Variants in NF1 observed in about 807,000 individuals in gnomAD.
NF1 encodes the protein neurofibromin.
NF1 carries 122 observed loss-of-function variants against 325.7 expected under a neutral mutation model. The observed-to-expected ratio is 0.37, with a 90% CI of 0.32 to 0.44. The LOEUF (loss-of-function observed/expected upper bound fraction) is 0.44. NF1 is among the 20% of genes least tolerant of loss of function. The probability of loss-of-function intolerance (pLI) is 1.00; values close to 1 mark genes in which losing one functional copy is unlikely to be tolerated. For missense variants in NF1, 2,140 were observed against 3,415.4 expected (o/e 0.63, Z 9.31); for synonymous variants, 1,091 against 1,186.0 (o/e 0.92, Z 1.65).
rs143541746 is a variant in NF1, at chr17:31,260,162, T to G, written c.4431-207T>G. ...TTGTTGTTTAACTTCAGAGCCTACT[T>G]TGAAGCTGAAGCCGGGTATCAGAAA... On this transcript the variant is annotated intron_variant, in intron 33 of 57. Transcript: ENST00000358273. Among the ~76,000 whole-genome samples the G allele has an allele frequency of 2.8e-3, 419 of 152,304 alleles. 2 individuals carry two copies. Among genetic ancestry groups the G allele is most frequent in the Non-Finnish European group, 4.9e-3 (334 of 68,020 alleles).
At chr17:31,304,298 C>A in intron 36 of NF1, 1 of 1,612,962 alleles carries the variant, frequency 6.2e-7, no homozygotes, top group Non-Finnish European at 8.5e-7. Context: ...GGCAGGGATT[C>A]ATTAAGATCT....
rs534557196 is a variant in NF1, at chr17:31,191,469, C to T, written c.888+8804C>T. On this transcript the variant is annotated intron_variant, in intron 8 of 57. Transcript: ENST00000358273. ...CAGCAATAAAAAGGAACTACTGACT[C>T]GGCAACATGTGTAAATCTCAAAAAT... 5.3e-5 allele frequency among the ~76,000 whole-genome samples: 8 copies of T among 152,202 alleles called. No individual in the cohort carries two copies. In the South Asian group the frequency reaches 1.2e-3, roughly 24 times the overall value.
rs2144015275 is a variant in NF1 at position 31,223,432 on chromosome 17, A to T, written c.1722-12A>T. On this transcript the variant is annotated splice_polypyrimidine_tract_variant and intron_variant, in intron 15 of 57. Coordinates refer to ENST00000358273, the MANE Select transcript of NF1 (RefSeq NM_001042492.3). ...GATGATGCTAGTAACAATGAACTTTATGTTACTGCAGCTCACAAATGCTTT... is the reference window on the plus strand; with the variant it reads ...GATGATGCTAGTAACAATGAACTTTTTGTTACTGCAGCTCACAAATGCTTT... The T allele has an allele frequency of 6.2e-7, 1 of 1,610,596 alleles. No individual in the cohort carries two copies. Among genetic ancestry groups the T allele is most frequent in the Non-Finnish European group, 8.5e-7 (1 of 1,178,302 alleles).
In NF1 at chr17:31,160,178, C is replaced by T. The variant is rs572949964; in HGVS notation, c.288+1085C>T. On this transcript the variant is annotated intron_variant, in intron 3 of 57. Transcript: ENST00000358273. ...TCGGCTCATTGCAACCTCCACTTCC[C>T]GGGTTCAAGCTATTCTCATGCCTCA... is the stretch of plus-strand genomic sequence containing the variant. 1.2e-3 allele frequency among the ~76,000 whole-genome samples: 182 copies of T among 152,226 alleles called. 3 individuals carry two copies. The South Asian group carries it at 0.018, about 15-fold the overall frequency.
chr17:31,360,198 G>A, intron 56 of NF1: 1 of 427,662 alleles, frequency 2.3e-6, no homozygotes, highest in Admixed American at 3.6e-5. Flanking sequence ...TGGAAAATTG[G>A]CTAGACATCA....
At chr17:31,185,817 A>T (rs561183364) in intron 8 of NF1, among the ~76,000 whole-genome samples, 1 of 152,200 alleles carries the variant, frequency 6.6e-6, no homozygotes, top group African/African-American at 2.4e-5. Flanking sequence ...AACAGATCCA[A>T]TGGTGCTTGA....
At chr17:31,238,182 G>A (rs1382724806) in intron 29 of NF1, among the ~76,000 whole-genome samples, 1 of 152,064 alleles carries the variant, frequency 6.6e-6, no homozygotes. Context: ...GCCTAGTCTT[G>A]CAGGGACCCC....
rs1253121846 is a variant in NF1, at chr17:31,181,406, A to C, written c.587-16A>C. On this transcript the variant is annotated splice_polypyrimidine_tract_variant and intron_variant, in intron 5 of 57. Transcript: ENST00000358273. ...CTTATTCTAGAGTTAATTTTTAAAA[A>C]TTGTGTTTTTTCCAGAAACAGCATT... 1.1e-5 allele frequency: 18 copies of C among 1,611,162 alleles called. No homozygotes were observed. Among genetic ancestry groups the C allele is most frequent in the Non-Finnish European group, 1.4e-5 (17 of 1,177,944 alleles).
chr17:31,216,859 T>A (rs1319366920), intron 13 of NF1, among the ~76,000 whole-genome samples: 1 of 152,188 alleles, frequency 6.6e-6, no homozygotes, highest in African/African-American at 2.4e-5. Context: ...TCCCTTGCAG[T>A]TGCTTTTCCC....
At chr17:31,339,255 TG>T (rs1238340750) in intron 46 of NF1, among the ~76,000 whole-genome samples, 1 of 152,074 alleles carries the variant, frequency 6.6e-6, no homozygotes, top group African/African-American at 2.4e-5. Context: ...ATTATTACTA[TG>T]GAGAAATTAA....
chr17:31,318,110 A>G, intron 36 of NF1: 1 of 588,036 alleles, frequency 1.7e-6, no homozygotes, highest in Non-Finnish European at 2.7e-6. Context: ...TAAAATATTC[A>G]GTGTCAAAAC....
intron 36 of NF1, among the ~76,000 whole-genome samples, chr17:31,323,017 A>G (rs1284059921): frequency 6.6e-6 from 1 of 152,214 alleles, no homozygotes; most frequent in East Asian, 1.9e-4. Flanking sequence ...TTAAGGGAAA[A>G]TAAAACCGGT....
At chr17:31,223,400 G>A (rs2144014612) in intron 15 of NF1, 44 bp from the exon 16 acceptor site, 1 of 1,604,722 alleles carries the variant, frequency 6.2e-7, no homozygotes, top group East Asian at 2.2e-5. Context: ...ATCTGCATTA[G>A]GTTATTGATG....
intron 36 of NF1, among the ~76,000 whole-genome samples, chr17:31,310,114 G>T (rs569813978): frequency 2.6e-5 from 4 of 152,138 alleles, no homozygotes; most frequent in Non-Finnish European, 5.9e-5. Context: ...AGGTTATTTA[G>T]CATACACATT....
chr17:31,313,987 T>C (rs2042102855), intron 36 of NF1: 1 of 398,128 alleles, frequency 2.5e-6, no homozygotes, highest in African/African-American at 2.1e-5. Context: ...ACCTCAGCTG[T>C]TAACTTCTTT....
At chr17:31,315,050 A>G (rs1029161321) in intron 36 of NF1, among the ~76,000 whole-genome samples, 8 of 152,160 alleles carry the variant, frequency 5.3e-5, no homozygotes, top group Non-Finnish European at 1.0e-4. Flanking sequence ...TTCTCTCATC[A>G]GTGGTGCTGA....
intron 27 of NF1, among the ~76,000 whole-genome samples, chr17:31,233,483 G>A (rs2067149808): frequency 6.6e-6 from 1 of 152,110 alleles, no homozygotes; most frequent in Admixed American, 6.5e-5. Flanking sequence ...TATTTGATAA[G>A]GTAATTAGGT....
rs758851307 is a variant in NF1 at position 31,265,353 on chromosome 17, T to C, written c.4835+14T>C. 1.9e-5 allele frequency: 30 copies of C among 1,577,654 alleles called. No homozygotes were observed. The South Asian group carries it at 3.0e-4, about 16-fold the overall frequency. On this transcript the variant is annotated intron_variant, in intron 36 of 57. Coordinates refer to ENST00000358273, the MANE Select transcript of NF1 (RefSeq NM_001042492.3). ...TGTTGCACGGAGGTAAGAAATACTA[T>C]GTTTTGGGTCTCTTAACAGAATTTT...
At position 31,206,289 on chromosome 17, in the gene NF1, T is replaced by C. The variant is rs876658642; in HGVS notation, c.1310T>C (p.Val437Ala). ...ATTGATGCTGTGTATTGTCACTCGG[T>C]TGAACTTCGAAATATGTTTGGTGAA... ...PKIDAVYCHS[V>A]ELRNMFGETL... The change falls in exon 12 of 58, where the codon GTT becomes GCT. Residue 437 changes from valine (V) to alanine (A), a missense_variant. By Grantham distance (64) the Val-to-Ala change is moderately conservative (BLOSUM62 0). Transcript: ENST00000358273. 2 of 1,613,948 alleles carry C rather than the reference T, an allele frequency of 1.2e-6. No individual in the cohort carries two copies. The highest frequency in any genetic ancestry group is 1.7e-6 in the Non-Finnish European group (2 of 1,179,818).
Sources: allele counts gnomAD v4.1 joint callset (sites outside exome capture counted in the v4.1 genomes callset), GRCh38; gene constraint gnomAD v4.1.1; transcripts MANE v1.5; gene names NCBI Gene and HGNC (gene_info 2026-07-23, HGNC 2026-07-21).